PTCHD4: variants seen among roughly 807,000 people sequenced by gnomAD.
PTCHD4 encodes the protein patched domain-containing protein 4.
Under a neutral mutation model 58.1 loss-of-function variants are expected in PTCHD4, and 33 were observed. The observed-to-expected ratio is 0.57, with a 90% confidence interval of 0.43 to 0.76. The LOEUF (loss-of-function observed/expected upper bound fraction) is 0.76, where lower values mean the gene tolerates loss of function less well. PTCHD4 is among the 30% of genes least tolerant of loss of function. PTCHD4 has a pLI of 0.00. For synonymous variants in PTCHD4, 478 were observed against 409.6 expected, an observed-to-expected ratio of 1.17 and a Z score of -2.02; for missense variants, 1,058 against 1,027.1, an observed-to-expected ratio of 1.03 and a Z score of -0.41.
At chr6:48,025,377 T>C (rs1201536967) in intron 3 of PTCHD4, among the ~76,000 whole-genome samples, 2 of 152,186 alleles carry the variant, frequency 1.3e-5, no homozygotes. Context: ...ACAGCACCTG[T>C]TATAAACAAA....
chr6:48,068,746 C>A lies in PTCHD4; in HGVS notation c.6-105G>T, dbSNP rs1316340358. ...TCCCCACCGCCGCCGCCTCCCCACC[C>A]ACTCCGCGCTCACCCCACAACCACT... On this transcript the variant is annotated intron_variant, in intron 2 of 4. Transcript: ENST00000339488. This position sits in a 1 kb window ranked among gnomAD's most constrained non-coding sequence, Gnocchi z 4.2. 8 of 1,124,398 alleles carry A rather than the reference C, an allele frequency of 7.1e-6. No homozygotes were observed. Among genetic ancestry groups the A allele is most frequent in the African/African-American group, 3.1e-5 (2 of 63,720 alleles). The allele number at this position is 1,124,398 out of a possible 1,614,324, so 69.7% of individuals were successfully genotyped here.
intron 4 of PTCHD4, among the ~76,000 whole-genome samples, chr6:47,975,486 T>A (rs534463257): frequency 1.2e-4 from 18 of 152,294 alleles, no homozygotes; most frequent in African/African-American, 4.3e-4. Flanking sequence ...GGCATGGTGG[T>A]TTGCCACACC....
At chr6:47,980,756 T>C (rs1321872782) in intron 4 of PTCHD4, among the ~76,000 whole-genome samples, 2 of 151,954 alleles carry the variant, frequency 1.3e-5, no homozygotes, top group Non-Finnish European at 2.9e-5. Flanking sequence ...TAACTTCATG[T>C]TTCAACACTA....
chr6:47,969,052 G>T (rs1767404917), intron 4 of PTCHD4, among the ~76,000 whole-genome samples: 1 of 152,090 alleles, frequency 6.6e-6, no homozygotes, highest in South Asian at 2.1e-4. Context: ...TATTTCTCAT[G>T]GTTTGAATTC....
intron 4 of PTCHD4, among the ~76,000 whole-genome samples, chr6:47,902,301 C>T (rs1259784300): frequency 1.3e-5 from 2 of 152,156 alleles, no homozygotes; most frequent in Non-Finnish European, 2.9e-5. Context: ...CAGATACATT[C>T]TATTTTGAGG....
At chr6:47,998,457 A>G (rs543952983) in intron 4 of PTCHD4, among the ~76,000 whole-genome samples, 1 of 152,226 alleles carries the variant, frequency 6.6e-6, no homozygotes, top group Non-Finnish European at 1.5e-5. Context: ...AAACAAGATT[A>G]CTAAAATGGG....
chr6:48,002,087 C>A (rs535223806), intron 4 of PTCHD4, among the ~76,000 whole-genome samples: 4 of 152,090 alleles, frequency 2.6e-5, no homozygotes, highest in African/African-American at 4.8e-5. Context: ...GTTAGAATGG[C>A]GATCATTAAA....
chr6:47,894,973 A>T (rs1426986241), intron 4 of PTCHD4, among the ~76,000 whole-genome samples: 1 of 152,122 alleles, frequency 6.6e-6, no homozygotes, highest in Non-Finnish European at 1.5e-5. Flanking sequence ...CTCCACTAAA[A>T]ATACAAAAAA....
chr6:47,903,358 C>T (rs185508097), intron 4 of PTCHD4, among the ~76,000 whole-genome samples: 1 of 151,934 alleles, frequency 6.6e-6, no homozygotes, highest in East Asian at 1.9e-4. Context: ...CCTCTGTCAC[C>T]CAGGCTGGAG....
intron 3 of PTCHD4, among the ~76,000 whole-genome samples, chr6:48,031,952 A>G (rs1356527921): frequency 6.6e-6 from 1 of 152,254 alleles, no homozygotes; most frequent in African/African-American, 2.4e-5. Flanking sequence ...CCTCCAGTCA[A>G]GTTGAAGTTG....
At position 47,861,258 on chromosome 6, in the gene PTCHD4, G is replaced by A. The variant is rs1248774516; in HGVS notation, c.*17045C>T. Among the ~76,000 whole-genome samples the A allele has an allele frequency of 1.3e-5, 2 of 151,728 alleles. No individual in the cohort carries two copies. The highest frequency in any genetic ancestry group is 4.2e-4 in the South Asian group (2 of 4,790). Reference sequence around the variant, plus strand: ...GCTAAATAGAAGAGGTGGCAACAGGGTAGAAAACGACTCATTAACACTCCT... The same window carrying A: ...GCTAAATAGAAGAGGTGGCAACAGGATAGAAAACGACTCATTAACACTCCT... On this transcript the variant is annotated 3_prime_UTR_variant, in exon 5 of 5. Transcript: ENST00000339488.
Position 47,905,676 on chromosome 6 carries a change from T to A in PTCHD4, c.899-25740A>T, listed in dbSNP as rs78431168. Among the ~76,000 whole-genome samples, 156 of 152,318 alleles carry A rather than the reference T, an allele frequency of 1.0e-3. 1 individual carries two copies. In the East Asian group the frequency reaches 0.021, roughly 20 times the overall value. Reference sequence around the variant, plus strand: ...GTGAGGAAATGTAGTTATTACTGTATCCCCAATGTGCATAATACATCAACA... The same window carrying A: ...GTGAGGAAATGTAGTTATTACTGTAACCCCAATGTGCATAATACATCAACA... On this transcript the variant is annotated intron_variant, in intron 4 of 4. Transcript: ENST00000339488.
At chr6:47,880,243 T>C (rs1184257151) in intron 4 of PTCHD4, among the ~76,000 whole-genome samples, 1 of 152,190 alleles carries the variant, frequency 6.6e-6, no homozygotes, top group African/African-American at 2.4e-5. Context: ...TGAACACATA[T>C]TGTCTTCCTA....
intron 4 of PTCHD4, among the ~76,000 whole-genome samples, chr6:47,977,605 A>T (rs1009685976): frequency 1.3e-5 from 2 of 152,236 alleles, no homozygotes; most frequent in African/African-American, 4.8e-5. Flanking sequence ...GGCCATGCCC[A>T]GGTTCCTAAT....
chr6:48,082,821 A>G (rs1220570790), intron 1 of PTCHD4, among the ~76,000 whole-genome samples: 1 of 152,116 alleles, frequency 6.6e-6, no homozygotes, highest in African/African-American at 2.4e-5. Flanking sequence ...ACTGAAATGT[A>G]TATAACGAAT....
At chr6:48,013,829 A>G (rs555379090) in intron 3 of PTCHD4, among the ~76,000 whole-genome samples, 13 of 152,300 alleles carry the variant, frequency 8.5e-5, no homozygotes, top group African/African-American at 3.1e-4. Context: ...AAGATTTCTC[A>G]AGAGATCTTT....
chr6:48,107,069 A>G (rs928181704), intron 1 of PTCHD4, among the ~76,000 whole-genome samples: 37 of 152,292 alleles, frequency 2.4e-4, no homozygotes, highest in Non-Finnish European at 4.6e-4. Context: ...CAAGCTACCA[A>G]TGACTTTCTG....
chr6:47,899,964 T>A (rs1403670979), intron 4 of PTCHD4: 2 of 152,236 alleles, frequency 1.3e-5, no homozygotes, highest in Non-Finnish European at 2.9e-5. Flanking sequence ...TATCAGTACT[T>A]GTTTCCTTTT....
At chr6:47,990,496 C>G (rs1427382685) in intron 4 of PTCHD4, among the ~76,000 whole-genome samples, 1 of 152,136 alleles carries the variant, frequency 6.6e-6, no homozygotes, top group Non-Finnish European at 1.5e-5. Context: ...GCAGTTTCCT[C>G]CTTACTGTTC....
Sources: allele counts gnomAD v4.1 joint callset (sites outside exome capture counted in the v4.1 genomes callset), GRCh38; gene constraint gnomAD v4.1.1; non-coding constraint Gnocchi (gnomAD v3.1); transcripts MANE v1.5; gene names NCBI Gene and HGNC (gene_info 2026-07-23, HGNC 2026-07-21).